ZNF341: variants seen among roughly 807,000 people sequenced by gnomAD.
ZNF341 encodes zinc finger protein 341.
Under a neutral mutation model 87.7 loss-of-function variants are expected in ZNF341, and 52 were observed. The observed-to-expected ratio is 0.59, with a 90% CI of 0.47 to 0.75. ZNF341 has a LOEUF of 0.75. Among genes scored for constraint, ZNF341 ranks in the 30% least tolerant of loss-of-function variants. ZNF341 has a pLI of 0.00. For synonymous variants in ZNF341, 459 were observed against 472.7 expected, an observed-to-expected ratio of 0.97 and a Z score of 0.38; for missense variants, 977 against 1,145.9, an observed-to-expected ratio of 0.85 and a Z score of 2.13.
chr20:33,782,636 A>G (rs1226239243), intron 11 of ZNF341, among the ~76,000 whole-genome samples: 1 of 152,224 alleles, frequency 6.6e-6, no homozygotes, highest in Admixed American at 6.5e-5. Flanking sequence ...AATTGACTAG[A>G]GGATAGGTGT....
At chr20:33,779,891 G>A (rs2019707293) in intron 10 of ZNF341, among the ~76,000 whole-genome samples, 2 of 152,344 alleles carry the variant, frequency 1.3e-5, no homozygotes, top group African/African-American at 4.8e-5. Flanking sequence ...AATGTAACAA[G>A]TTCTCACTGG....
chr20:33,736,275 A>G (rs1350159379), intron 1 of ZNF341, among the ~76,000 whole-genome samples: 1 of 151,716 alleles, frequency 6.6e-6, no homozygotes, highest in Non-Finnish European at 1.5e-5. Flanking sequence ...TGCCTCTGCA[A>G]AAATTGTAAC....
chr20:33,784,782 T>G (rs992383912), intron 12 of ZNF341, among the ~76,000 whole-genome samples: 1 of 151,866 alleles, frequency 6.6e-6, no homozygotes, highest in Non-Finnish European at 1.5e-5. Flanking sequence ...GTCCAGCTAG[T>G]TTTTTGTATT....
chr20:33,735,867 A>C (rs1028600241), intron 1 of ZNF341, among the ~76,000 whole-genome samples: 4 of 151,892 alleles, frequency 2.6e-5, no homozygotes, highest in African/African-American at 9.7e-5. Context: ...GGCAACCACT[A>C]ATCTGTCTCC....
chr20:33,732,444 G>T lies in ZNF341; in HGVS notation c.31+392G>T, dbSNP rs866463019. On this transcript the variant is annotated intron_variant, in intron 1 of 14. Transcript: ENST00000375200. This position sits in a 1 kb window ranked among gnomAD's most constrained non-coding sequence, Gnocchi z 4.5. ...GGCCCGGGACGGGGGTGCGGTCGCA[G>T]CTGCGGGCAGGAGGGCCTCGGCGGC... is the stretch of plus-strand genomic sequence containing the variant. Among the ~76,000 whole-genome samples the T allele has an allele frequency of 1.4e-4, 21 of 152,236 alleles. No individual in the cohort carries two copies. Among genetic ancestry groups the T allele is most frequent in the African/African-American group, 5.1e-4 (21 of 41,580 alleles).
intron 4 of ZNF341, among the ~76,000 whole-genome samples, chr20:33,750,644 A>AT (rs11476079): frequency 2.6e-4 from 38 of 147,656 alleles, no homozygotes; most frequent in East Asian, 4.0e-4. Context: ...TTAAAAAAAA[A>AT]TTTTTTTTTT....
chr20:33,767,565 G>A (rs993295974), intron 9 of ZNF341, among the ~76,000 whole-genome samples: 1 of 152,050 alleles, frequency 6.6e-6, no homozygotes, highest in African/African-American at 2.4e-5. Context: ...CACTGTGTCT[G>A]GCTGGTGGTC....
At chr20:33,745,629 T>G (rs78770984) in intron 3 of ZNF341, among the ~76,000 whole-genome samples, 1 of 152,044 alleles carries the variant, frequency 6.6e-6, no homozygotes, top group South Asian at 2.1e-4. Flanking sequence ...AGATAATATA[T>G]TATTATTTTT....
intron 5 of ZNF341, among the ~76,000 whole-genome samples, chr20:33,754,919 TG>T (rs1489992338): frequency 6.6e-6 from 1 of 152,186 alleles, no homozygotes; most frequent in African/African-American, 2.4e-5. Flanking sequence ...CCTTGAGTGA[TG>T]GCTGAATTTA....
At chr20:33,787,708 C>G (rs1038023709) in intron 12 of ZNF341, 10 of 152,290 alleles carry the variant, frequency 6.6e-5, no homozygotes, top group Admixed American at 2.0e-4. Flanking sequence ...GGAATCTTAG[C>G]TCCCGCAACC....
At chr20:33,740,248 C>G (rs1000736400) in intron 1 of ZNF341, among the ~76,000 whole-genome samples, 2 of 152,048 alleles carry the variant, frequency 1.3e-5, no homozygotes, top group Admixed American at 6.6e-5. Flanking sequence ...TATTCTTATT[C>G]TGGGAAGTGG....
At chr20:33,737,970 A>G (rs553790054) in intron 1 of ZNF341, among the ~76,000 whole-genome samples, 1 of 151,604 alleles carries the variant, frequency 6.6e-6, no homozygotes, top group South Asian at 2.1e-4. Context: ...AAACCCTGTC[A>G]TTACTAAAAG....
chr20:33,761,475 G>A (rs1601258203), intron 7 of ZNF341, among the ~76,000 whole-genome samples: 2 of 152,144 alleles, frequency 1.3e-5, no homozygotes, highest in South Asian at 4.1e-4. Context: ...TGTTGGCCAG[G>A]CTGGTCTCGA....
chr20:33,746,224 C>T (rs866831636), intron 3 of ZNF341, among the ~76,000 whole-genome samples: 6 of 133,178 alleles, frequency 4.5e-5, no homozygotes, highest in Admixed American at 2.3e-4. Context: ...CCACCGCGCC[C>T]GGCCTTTTTT....
chr20:33,781,259 C>G, intron 10 of ZNF341, 32 bp from the exon 11 acceptor site: 50 of 1,550,624 alleles, frequency 3.2e-5, no homozygotes, highest in Non-Finnish European at 3.9e-5. Flanking sequence ...TGCTGTGTTT[C>G]CTCCCTCATC....
At chr20:33,751,245 T>C (rs1026968284) in intron 4 of ZNF341, among the ~76,000 whole-genome samples, 5 of 152,120 alleles carry the variant, frequency 3.3e-5, no homozygotes, top group African/African-American at 7.2e-5. Flanking sequence ...TTGATTTTTT[T>C]TGTAGCATAA....
At chr20:33,758,926 G>T (rs2019236978) in intron 7 of ZNF341, 120 bp downstream of exon 7, 2 of 811,764 alleles carry the variant, frequency 2.5e-6, no homozygotes, top group Non-Finnish European at 4.1e-6. Flanking sequence ...GCACTTGCAT[G>T]TTCAGGCTGT....
intron 1 of ZNF341, among the ~76,000 whole-genome samples, chr20:33,735,250 C>T: frequency 6.6e-6 from 1 of 152,236 alleles, no homozygotes; most frequent in East Asian, 1.9e-4. Flanking sequence ...AGGCTAGTCT[C>T]GAACTCTTGA....
intron 10 of ZNF341, among the ~76,000 whole-genome samples, chr20:33,777,148 T>C (rs2019642969): frequency 1.1e-5 from 1 of 90,806 alleles, no homozygotes; most frequent in Non-Finnish European, 2.1e-5. Flanking sequence ...ACCCCGTCTT[T>C]ACCAAAAAAA....
Sources: gnomAD v4.1 joint callset for allele counts (sites outside exome capture counted in the v4.1 genomes callset) on GRCh38, gnomAD v4.1.1 for gene constraint, Gnocchi (gnomAD v3.1) non-coding constraint, MANE v1.5 for transcripts, NCBI Gene and HGNC (gene_info 2026-07-23, HGNC 2026-07-21) for gene names.